Variants in NRG1 observed in about 807,000 individuals in gnomAD.
NRG1 encodes neuregulin 1.
NRG1 carries 18 observed loss-of-function variants against 63.8 expected under a neutral mutation model. The ratio of observed to expected loss-of-function variants is 0.28; its 90% CI spans 0.19 to 0.42. The LOEUF is 0.42. NRG1 is among the 10% of genes least tolerant of loss of function. NRG1 has a pLI of 1.00. For missense variants in NRG1, 762 were observed against 814.7 expected (o/e 0.94, Z 0.79); for synonymous variants, 302 against 301.3 (o/e 1.00, Z -0.02).
intron 1 of NRG1, among the ~76,000 whole-genome samples, chr8:32,290,934 T>G (rs1183656517): frequency 6.6e-6 from 1 of 151,982 alleles, no homozygotes; most frequent in Non-Finnish European, 1.5e-5. Context: ...TGTGCATGCA[T>G]TTGTGTGTGT....
At chr8:32,139,892 G>T (rs1381079273) in intron 1 of NRG1, among the ~76,000 whole-genome samples, 1 of 152,214 alleles carries the variant, frequency 6.6e-6, no homozygotes, top group African/African-American at 2.4e-5. Flanking sequence ...GCTTCTGAAA[G>T]AGGTTCCTAA....
downstream of NRG1, among the ~76,000 whole-genome samples, chr8:32,772,533 T>C (rs899063511): frequency 1.3e-5 from 2 of 152,174 alleles, no homozygotes; most frequent in African/African-American, 2.4e-5. Flanking sequence ...AATAATATTA[T>C]AGATGTAAAC....
chr8:32,074,823 A>C (rs760583848), intron 1 of NRG1, among the ~76,000 whole-genome samples: 2 of 152,206 alleles, frequency 1.3e-5, no homozygotes, highest in Non-Finnish European at 2.9e-5. Context: ...ATTATTGACT[A>C]ATTATGAACA....
intron 1 of NRG1, among the ~76,000 whole-genome samples, chr8:31,955,814 G>T (rs1804265426): frequency 6.6e-6 from 1 of 151,770 alleles, no homozygotes; most frequent in African/African-American, 2.4e-5. Flanking sequence ...GAAGCACATG[G>T]ATCCTTGAGC....
intron 1 of NRG1, among the ~76,000 whole-genome samples, chr8:32,166,671 C>T (rs1416128251): frequency 6.6e-6 from 1 of 152,120 alleles, no homozygotes; most frequent in Non-Finnish European, 1.5e-5. Context: ...AGTGCTATGT[C>T]CAATTGAGCT....
chr8:32,331,727 G>A (rs1802680696), intron 1 of NRG1, among the ~76,000 whole-genome samples: 2 of 152,160 alleles, frequency 1.3e-5, no homozygotes, highest in Admixed American at 6.6e-5. Flanking sequence ...TTAGGGGGTG[G>A]TTAGGACAGT....
intron 5 of NRG1, among the ~76,000 whole-genome samples, chr8:32,629,385 A>G (rs1235800030): frequency 2.0e-5 from 3 of 152,180 alleles, no homozygotes; most frequent in East Asian, 1.9e-4. Context: ...ATTTTGGTTG[A>G]TTTGTGTTTC....
chr8:31,735,093 G>A (rs1428195982), intron 1 of NRG1, among the ~76,000 whole-genome samples: 1 of 152,108 alleles, frequency 6.6e-6, no homozygotes, highest in African/African-American at 2.4e-5. Context: ...ATTCTACTGG[G>A]GGAATTTCCA....
intron 1 of NRG1, among the ~76,000 whole-genome samples, chr8:32,511,799 C>T (rs972381625): frequency 6.6e-6 from 1 of 152,082 alleles, no homozygotes; most frequent in Admixed American, 6.6e-5. Flanking sequence ...AATTTCTGAG[C>T]ATGTGAGAAG....
At chr8:32,222,826 C>G (rs929981657) in intron 1 of NRG1, among the ~76,000 whole-genome samples, 1 of 152,154 alleles carries the variant, frequency 6.6e-6, no homozygotes, top group Non-Finnish European at 1.5e-5. Flanking sequence ...ATCAAAATGG[C>G]TGGAGAAAGT....
chr8:32,430,663 TA>T (rs1437278341), intron 1 of NRG1, among the ~76,000 whole-genome samples: 2 of 152,190 alleles, frequency 1.3e-5, no homozygotes, highest in African/African-American at 2.4e-5. Context: ...AAATGATGAT[TA>T]AATGGTGAAG....
intron 1 of NRG1, among the ~76,000 whole-genome samples, chr8:32,296,766 C>T (rs1854933018): frequency 6.6e-6 from 1 of 152,042 alleles, no homozygotes. Context: ...CACTCAAAGT[C>T]CTGCTATCTA....
intron 1 of NRG1, among the ~76,000 whole-genome samples, chr8:32,382,998 G>C (rs542320278): frequency 1.3e-5 from 2 of 151,818 alleles, no homozygotes; most frequent in African/African-American, 4.8e-5. Flanking sequence ...GAGGCAGGAG[G>C]ATCATTTGAG....
intron 1 of NRG1, among the ~76,000 whole-genome samples, chr8:32,431,700 A>G (rs930058396): frequency 1.1e-4 from 16 of 151,838 alleles, no homozygotes; most frequent in African/African-American, 3.9e-4. Context: ...CGATGATTTA[A>G]TTTAGTTGTG....
At chr8:31,842,476 T>C (rs578042864) in intron 1 of NRG1, among the ~76,000 whole-genome samples, 1 of 152,338 alleles carries the variant, frequency 6.6e-6, no homozygotes, top group South Asian at 2.1e-4. Context: ...TAAATCCTAA[T>C]TTAGCTGTGG....
chr8:31,813,524 T>C (rs869118062), intron 1 of NRG1, among the ~76,000 whole-genome samples: 1 of 139,724 alleles, frequency 7.2e-6, no homozygotes, highest in Admixed American at 7.1e-5. Flanking sequence ...TTCTTTTTTT[T>C]TTTTTTTTTG....
At chr8:32,254,587 A>C (rs1849473480) in intron 1 of NRG1, among the ~76,000 whole-genome samples, 1 of 152,114 alleles carries the variant, frequency 6.6e-6, no homozygotes, top group South Asian at 2.1e-4. Context: ...GGAGTGTTTC[A>C]CTTCCAATTA....
intron 6 of NRG1, among the ~76,000 whole-genome samples, chr8:32,731,525 G>T (rs1162793994): frequency 6.6e-6 from 1 of 151,944 alleles, no homozygotes; most frequent in East Asian, 1.9e-4. Flanking sequence ...CTTTGAGATG[G>T]TGACTTTATT....
In NRG1 at chr8:32,567,250, G is replaced by A. The variant is rs533620069; in HGVS notation, c.100+18424G>A. 5.3e-5 allele frequency among the ~76,000 whole-genome samples: 8 copies of A among 152,320 alleles called. No individual in the cohort carries two copies. In the South Asian group the frequency reaches 1.7e-3, roughly 32 times the overall value. ...ATCTCTAAGAAATGCCTCAAGTGGGGAAGGGATGGACTTTATAAACCAAAA... is the reference window on the plus strand; with the variant it reads ...ATCTCTAAGAAATGCCTCAAGTGGGAAAGGGATGGACTTTATAAACCAAAA... On this transcript the variant is annotated intron_variant, in intron 1 of 11. Transcript: ENST00000356819.
Sources: allele counts gnomAD v4.1 joint callset (sites outside exome capture counted in the v4.1 genomes callset), GRCh38; gene constraint gnomAD v4.1.1; transcripts MANE v1.5; gene names NCBI Gene and HGNC (gene_info 2026-07-23, HGNC 2026-07-21).